Variants in ATF7IP observed in about 807,000 individuals in gnomAD.
ATF7IP encodes activating transcription factor 7 interacting protein, also known as activating transcription factor 7-interacting protein 1.
ATF7IP carries 23 observed loss-of-function variants against 106.4 expected under a neutral mutation model. The ratio of observed to expected loss-of-function variants is 0.22; its 90% CI spans 0.16 to 0.31. The LOEUF is 0.31. Ranked by LOEUF, ATF7IP falls within the 10% of genes least tolerant of loss-of-function variation. The pLI is 1.00. For synonymous variants in ATF7IP, 542 were observed against 539.0 expected (o/e 1.01, Z -0.08); for missense variants, 1,334 against 1,524.3 (o/e 0.88, Z 2.08).
chr12:14,420,180 T>C (rs1941422409), intron 1 of ATF7IP: 1 of 152,148 alleles, frequency 6.6e-6, no homozygotes, highest in Non-Finnish European at 1.5e-5. Context: ...GATTTGAGTA[T>C]AGTATAGGTT....
intron 1 of ATF7IP, among the ~76,000 whole-genome samples, chr12:14,417,521 G>A (rs543089825): frequency 8.2e-4 from 125 of 151,920 alleles, no homozygotes; most frequent in Admixed American, 2.4e-3. Context: ...TTATATGTAT[G>A]GTCTATGGAA....
chr12:14,475,780 AT>A, intron 10 of ATF7IP, 109 bp from the exon 11 acceptor site: 1 of 751,236 alleles, frequency 1.3e-6, no homozygotes, highest in Non-Finnish European at 2.1e-6. Context: ...AAGGGTCCAG[AT>A]TGAACCAGGT....
At chr12:14,379,128 G>A (rs541387996) in intron 1 of ATF7IP, among the ~76,000 whole-genome samples, 30 of 152,232 alleles carry the variant, frequency 2.0e-4, no homozygotes, top group Admixed American at 5.9e-4. Context: ...GTCATGGGCT[G>A]GATTTTTCAT....
intron 13 of ATF7IP, among the ~76,000 whole-genome samples, chr12:14,484,657 G>A (rs537979691): frequency 3.9e-5 from 6 of 152,278 alleles, no homozygotes; most frequent in Middle Eastern, 3.4e-3. Flanking sequence ...CATCTGTTCC[G>A]CTGTCAAGTG....
intron 8 of ATF7IP, among the ~76,000 whole-genome samples, chr12:14,459,268 G>A (rs1455894435): frequency 6.6e-6 from 1 of 152,160 alleles, no homozygotes; most frequent in African/African-American, 2.4e-5. Context: ...TGAGTTTACA[G>A]CTCAATTGCA....
intron 13 of ATF7IP, among the ~76,000 whole-genome samples, chr12:14,486,850 A>G (rs562746310): frequency 4.5e-4 from 69 of 152,092 alleles, no homozygotes; most frequent in Non-Finnish European, 7.5e-4. Context: ...TAGATCTGAC[A>G]TACAGAGACG....
chr12:14,424,500 T>C lies in ATF7IP; in HGVS notation c.585T>C (p.Thr195=), dbSNP rs781247694. 10 of 1,613,948 alleles carry C rather than the reference T, an allele frequency of 6.2e-6. No individual in the cohort carries two copies. In the Admixed American group the frequency reaches 1.7e-4, roughly 27 times the overall value. The change falls in exon 2 of 15, where the codon ACT becomes ACC. Residue 195 remains threonine (T), a synonymous_variant. Transcript: ENST00000261168. The part of the protein sequence containing the change: ...SPGDATSGDA[T]ADDLSSGDPT... ...GTGATGCCACCTCTGGTGATGCCACTGCTGATGATCTCTCCTCTGGTGATC... is the reference window on the plus strand; with the variant it reads ...GTGATGCCACCTCTGGTGATGCCACCGCTGATGATCTCTCCTCTGGTGATC...
intron 1 of ATF7IP, among the ~76,000 whole-genome samples, chr12:14,413,215 A>G (rs1360798264): frequency 6.6e-6 from 1 of 152,108 alleles, no homozygotes; most frequent in East Asian, 1.9e-4. Context: ...GGTTGAGGAA[A>G]TCCTCTTCTA....
chr12:14,404,030 T>A (rs963516931), intron 1 of ATF7IP, among the ~76,000 whole-genome samples: 13 of 152,080 alleles, frequency 8.5e-5, no homozygotes, highest in Non-Finnish European at 1.6e-4. Context: ...TTTTTTTTTT[T>A]AAATGCAGAG....
chr12:14,381,258 G>T (rs79960428), intron 1 of ATF7IP, among the ~76,000 whole-genome samples: 2,527 of 152,248 alleles, frequency 0.017, 33 homozygotes, highest in East Asian at 0.026. Flanking sequence ...TTGAGACAGA[G>T]TCTCATTCGG....
intron 9 of ATF7IP, among the ~76,000 whole-genome samples, chr12:14,462,002 T>C (rs1943658264): frequency 6.6e-6 from 1 of 152,186 alleles, no homozygotes; most frequent in Non-Finnish European, 1.5e-5. Context: ...ATTTGTCATA[T>C]AGCCATTACT....
intron 1 of ATF7IP, among the ~76,000 whole-genome samples, chr12:14,418,217 GA>G (rs1267179071): frequency 6.6e-6 from 1 of 151,756 alleles, no homozygotes; most frequent in Non-Finnish European, 1.5e-5. Context: ...AATTTCTATA[GA>G]AAAAGGTTTT....
Position 14,470,304 on chromosome 12 carries a change from T to C in ATF7IP, c.2862+3714T>C, listed in dbSNP as rs570368935. Among the ~76,000 whole-genome samples the C allele has an allele frequency of 1.6e-3, 250 of 152,346 alleles. 1 individual carries two copies. The highest frequency in any genetic ancestry group is 8.9e-3 in the South Asian group (43 of 4,832). The stretch of plus-strand genomic sequence containing the variant: ...TTGAAATTTTCTTAGTGTTTGCTTA[T>C]TGAGACTGGTCGTTTTGGAAAACGA... On this transcript the variant is annotated intron_variant, in intron 10 of 14. Transcript: ENST00000261168.
At chr12:14,444,937 A>G (rs551089002) in intron 5 of ATF7IP, among the ~76,000 whole-genome samples, 5 of 152,092 alleles carry the variant, frequency 3.3e-5, no homozygotes, top group African/African-American at 1.2e-4. Context: ...GGCTTAAGTA[A>G]AAATAGAATA....
intron 4 of ATF7IP, 143 bp downstream of exon 4, chr12:14,436,394 T>A (rs1361861938): frequency 4.7e-6 from 4 of 855,118 alleles, no homozygotes; most frequent in Non-Finnish European, 7.0e-6. Flanking sequence ...TGGTTGAGCT[T>A]TTAAAGTCTA....
At position 14,457,300 on chromosome 12, in the gene ATF7IP, CTTTT is replaced by C; in HGVS notation, c.2158+11_2158+14del. 2 of 1,577,662 alleles carry C rather than the reference CTTTT, an allele frequency of 1.3e-6. No individual in the cohort carries two copies. Among genetic ancestry groups the C allele is most frequent in the Non-Finnish European group, 1.7e-6 (2 of 1,160,748 alleles). ...TTCAAACTCCTGTGAATACAGGTAA[CTTTT>C]TTTTTAAATACCAAAATACATTTTC... On this transcript the variant is annotated splice_donor_region_variant and intron_variant, in intron 8 of 14. Transcript: ENST00000261168.
intron 6 of ATF7IP, among the ~76,000 whole-genome samples, chr12:14,449,201 A>G (rs765766230): frequency 1.3e-5 from 2 of 152,124 alleles, no homozygotes; most frequent in African/African-American, 2.4e-5. Context: ...AGTGTCATAT[A>G]CAAAAGAATC....
intron 1 of ATF7IP, among the ~76,000 whole-genome samples, chr12:14,378,443 G>T (rs1363874952): frequency 2.6e-5 from 4 of 152,106 alleles, no homozygotes; most frequent in Non-Finnish European, 5.9e-5. Context: ...AATGTTTTTG[G>T]TGGCTTCTTT....
At chr12:14,423,574 C>CTTTTTTTTTT in intron 1 of ATF7IP, among the ~76,000 whole-genome samples, 88 of 34,372 alleles carry the variant, frequency 2.6e-3, no homozygotes, top group African/African-American at 3.1e-3. Flanking sequence ...TCTTCAGGTA[C>CTTTTTTTTTT]TTTTTTTTTT....
Sources: gnomAD v4.1 joint callset for allele counts (sites outside exome capture counted in the v4.1 genomes callset) on GRCh38, gnomAD v4.1.1 for gene constraint, MANE v1.5 for transcripts, NCBI Gene and HGNC (gene_info 2026-07-23, HGNC 2026-07-21) for gene names.